Variants in ST3GAL6 observed in about 807,000 individuals in gnomAD.
ST3GAL6 encodes the protein ST3 beta-galactoside alpha-2,3-sialyltransferase 6, also known as type 2 lactosamine alpha-2,3-sialyltransferase.
In ST3GAL6, 31 loss-of-function variants were observed where a neutral mutation model predicts 40.5. The observed-to-expected ratio is 0.77, with a 90% confidence interval of 0.58 to 1.03. ST3GAL6 has a LOEUF of 1.03. Ranked by LOEUF, ST3GAL6 falls within the 50% of genes least tolerant of loss-of-function variation. ST3GAL6 has a pLI of 0.00. For missense variants in ST3GAL6, 357 were observed against 393.2 expected, an observed-to-expected ratio of 0.91 and a Z score of 0.78; for synonymous variants, 129 against 136.9, an observed-to-expected ratio of 0.94 and a Z score of 0.40.
Position 98,770,908 on chromosome 3 carries a change from A to G in ST3GAL6, c.119A>G (p.Asn40Ser), listed in dbSNP as rs1938914933. The change falls in exon 3 of 10, where the codon AAT becomes AGT. Residue 40 changes from asparagine to serine, a missense_variant. Asn to Ser is a conservative substitution (Grantham distance 46, BLOSUM62 1). Coordinates refer to ENST00000483910, the MANE Select transcript of ST3GAL6 (RefSeq NM_001323368.2). The stretch of plus-strand genomic sequence containing the variant: ...GCACCTGTGGAAATGAAACGGAGAA[A>G]TAAGATCCAGCCTTGTTTATCAAAG... Reference protein sequence around the residue: ...WVAPVEMKRRNKIQPCLSKPA... With the variant: ...WVAPVEMKRRSKIQPCLSKPA... 6.2e-7 allele frequency: 1 copy of G among 1,614,174 alleles called. No homozygotes were observed. Among genetic ancestry groups the G allele is most frequent in the South Asian group, 1.1e-5 (1 of 91,084 alleles).
chr3:98,770,462 C>T (rs535942344), intron 2 of ST3GAL6: 3 of 179,190 alleles, frequency 1.7e-5, no homozygotes, highest in African/African-American at 4.8e-5. Context: ...CTGTGGTGTT[C>T]GCTGCCGGTG....
chr3:98,741,944 G>A (rs1936124261), intron 1 of ST3GAL6, among the ~76,000 whole-genome samples: 1 of 152,138 alleles, frequency 6.6e-6, no homozygotes, highest in Non-Finnish European at 1.5e-5. Flanking sequence ...GTAGAGATGG[G>A]ATTTGACGGG....
upstream of ST3GAL6, chr3:98,762,556 A>G: frequency 5.4e-6 from 1 of 183,806 alleles, no homozygotes; most frequent in Non-Finnish European, 1.0e-5. Flanking sequence ...CAACCAGACT[A>G]CTGATTCCTT....
At chr3:98,787,390 T>G (rs989941687) in intron 6 of ST3GAL6, among the ~76,000 whole-genome samples, 1 of 152,186 alleles carries the variant, frequency 6.6e-6, no homozygotes, top group Non-Finnish European at 1.5e-5. Flanking sequence ...AAAGCATTTC[T>G]TTTTTTATAG....
intron 5 of ST3GAL6, among the ~76,000 whole-genome samples, chr3:98,777,463 C>T (rs1939666883): frequency 6.6e-6 from 1 of 152,198 alleles, no homozygotes; most frequent in African/African-American, 2.4e-5. Flanking sequence ...TGTTTGCATC[C>T]CATTGGATAG....
intron 5 of ST3GAL6, among the ~76,000 whole-genome samples, chr3:98,784,129 G>A (rs1940453312): frequency 6.6e-6 from 1 of 152,210 alleles, no homozygotes; most frequent in African/African-American, 2.4e-5. Context: ...CATGCCATGA[G>A]GGCCCTGGAA....
intron 1 of ST3GAL6, chr3:98,733,695 C>A: frequency 2.7e-6 from 2 of 746,126 alleles, no homozygotes; most frequent in Non-Finnish European, 3.3e-6. Context: ...CAATCTCAAG[C>A]CTCTTTCTTG....
chr3:98,794,391 A>T lies in ST3GAL6; in HGVS notation c.*630A>T, dbSNP rs1941443631. 6.6e-6 allele frequency: 1 copy of T among 152,050 alleles called. No individual in the cohort carries two copies. The highest frequency in any genetic ancestry group is 1.5e-5 in the Non-Finnish European group (1 of 68,028). 9.4% of individuals were successfully genotyped at this position (152,050 alleles called of 1,614,324 possible). On this transcript the variant is annotated 3_prime_UTR_variant, in exon 10 of 10. Transcript: ENST00000483910. ...TAACTAAAGAAAGAATACAATTACT[A>T]AACTCTGATGGCTTTGTATTATTTT...
At chr3:98,773,669 AT>A (rs2107214413) in intron 4 of ST3GAL6, among the ~76,000 whole-genome samples, 1 of 152,062 alleles carries the variant, frequency 6.6e-6, no homozygotes, top group African/African-American at 2.4e-5. Context: ...AAATTATATG[AT>A]TGTTTTTCAG....
intron 1 of ST3GAL6, among the ~76,000 whole-genome samples, chr3:98,751,708 T>G (rs1937019150): frequency 6.6e-6 from 1 of 152,248 alleles, no homozygotes; most frequent in African/African-American, 2.4e-5. Context: ...ATTGTCATTT[T>G]ATTATTGATG....
intron 1 of ST3GAL6, chr3:98,756,646 C>T (rs756990158): frequency 4.1e-6 from 4 of 971,634 alleles, no homozygotes; most frequent in Non-Finnish European, 5.2e-6. Flanking sequence ...TTAAAATCCC[C>T]TCTTCTATGA....
intron 1 of ST3GAL6, among the ~76,000 whole-genome samples, chr3:98,743,273 G>T (rs1220498794): frequency 6.6e-6 from 1 of 151,066 alleles, no homozygotes; most frequent in Non-Finnish European, 1.5e-5. Context: ...CATCAACCTT[G>T]GCCTCGCAAA....
At chr3:98,750,451 G>C (rs1265218955) in intron 1 of ST3GAL6, among the ~76,000 whole-genome samples, 1 of 152,102 alleles carries the variant, frequency 6.6e-6, no homozygotes, top group African/African-American at 2.4e-5. Context: ...AGAAGACTCT[G>C]TACAGTGACC....
intron 1 of ST3GAL6, among the ~76,000 whole-genome samples, chr3:98,746,214 C>T (rs1380881758): frequency 1.3e-5 from 2 of 152,114 alleles, no homozygotes; most frequent in Non-Finnish European, 2.9e-5. Context: ...AGGGGTGCCT[C>T]CTGAAGCTTG....
intron 1 of ST3GAL6, among the ~76,000 whole-genome samples, chr3:98,751,970 A>G (rs918600664): frequency 1.3e-5 from 2 of 152,210 alleles, no homozygotes; most frequent in African/African-American, 4.8e-5. Context: ...GGCCTATGAA[A>G]TAAAATATTT....
rs1366965868 is a variant in ST3GAL6 at position 98,763,418 on chromosome 3, G to A, written c.-33G>A. 7.8e-7 allele frequency: 1 copy of A among 1,289,800 alleles called. No individual in the cohort carries two copies. The highest frequency in any genetic ancestry group is 1.0e-6 in the Non-Finnish European group (1 of 988,870). The allele number at this position is 1,289,800 out of a possible 1,614,324, so 79.9% of individuals were successfully genotyped here. A position where few individuals can be genotyped will look rare whatever the true frequency, so the allele number is the denominator to read the frequency against. ...CTGAATGGACACAGGTGTCAGCAGG[G>A]CCACCTGGTAAAGGTATGGAGGTGA... On this transcript the variant is annotated 5_prime_UTR_variant, in exon 1 of 10. Transcript: ENST00000483910.
At chr3:98,788,249 C>T (rs754616083) in intron 7 of ST3GAL6, 27 bp downstream of exon 7, 2 of 1,599,454 alleles carry the variant, frequency 1.3e-6, no homozygotes, top group Non-Finnish European at 1.7e-6. Flanking sequence ...GTTCTGCCTT[C>T]AGATTACCTT....
chr3:98,771,031 TA>T lies in ST3GAL6; in HGVS notation c.167+76del, dbSNP rs544773199. ...CTTGTAATCATTTTCCACACTTGTT[TA>T]TTTTTTTAATGCAAATCTTAGCAGT... On this transcript the variant is annotated intron_variant, in intron 3 of 9. Transcript: ENST00000483910. 3.8e-4 allele frequency: 598 copies of T among 1,562,482 alleles called. 2 individuals are homozygous for T. The highest frequency in any genetic ancestry group is 3.2e-3 in the Middle Eastern group (19 of 5,942).
chr3:98,791,719 G>A, intron 8 of ST3GAL6, 122 bp from the exon 9 acceptor site: 3 of 882,322 alleles, frequency 3.4e-6, no homozygotes, highest in Non-Finnish European at 5.3e-6. Context: ...TGAGAGTTTA[G>A]TTATTTCTCT....
Sources: allele counts gnomAD v4.1 joint callset (sites outside exome capture counted in the v4.1 genomes callset), GRCh38; gene constraint gnomAD v4.1.1; transcripts MANE v1.5; gene names NCBI Gene and HGNC (gene_info 2026-07-23, HGNC 2026-07-21).